The following CYP46A1 variants were observed in gnomAD, a reference collection of about 807,000 sequenced individuals.
The protein encoded by CYP46A1 is cholesterol 24-hydroxylase.
CYP46A1 carries 20 observed loss-of-function variants against 63.3 expected under a neutral mutation model. The ratio of observed to expected loss-of-function variants is 0.32; its 90% CI spans 0.22 to 0.46. CYP46A1 has a LOEUF of 0.46. Among genes scored for constraint, CYP46A1 ranks in the 20% least tolerant of loss-of-function variants. The pLI, the probability that CYP46A1 is intolerant of heterozygous loss-of-function variation, is 1.00. For missense variants in CYP46A1, 445 were observed against 670.8 expected (o/e 0.66, Z 3.72); for synonymous variants, 268 against 273.6 (o/e 0.98, Z 0.20).
intron 11 of CYP46A1, 41 bp downstream of exon 11, chr14:99,721,364 G>A: frequency 1.5e-6 from 2 of 1,366,306 alleles, no homozygotes; most frequent in Non-Finnish European, 2.1e-6. Context: ...GGATGTGGGT[G>A]ATCATGTCAT....
At chr14:99,690,353 G>A (rs915941562) in intron 1 of CYP46A1, among the ~76,000 whole-genome samples, 2 of 152,088 alleles carry the variant, frequency 1.3e-5, no homozygotes, top group Non-Finnish European at 2.9e-5. Flanking sequence ...CCTCTTCCCC[G>A]TACTCTGTTC....
chr14:99,705,823 C>G (rs1418758499), intron 5 of CYP46A1, among the ~76,000 whole-genome samples: 1 of 152,148 alleles, frequency 6.6e-6, no homozygotes, highest in Non-Finnish European at 1.5e-5. Flanking sequence ...TACTCGGGAG[C>G]CTGAGACAGA....
intron 3 of CYP46A1, chr14:99,695,375 C>A: frequency 2.7e-6 from 1 of 376,726 alleles, no homozygotes; most frequent in Non-Finnish European, 5.3e-6. Flanking sequence ...CTAGTGGTTG[C>A]AGGGCAAGGA....
At chr14:99,705,393 G>C (rs1033155533) in intron 5 of CYP46A1, among the ~76,000 whole-genome samples, 2 of 139,250 alleles carry the variant, frequency 1.4e-5, no homozygotes, top group Non-Finnish European at 3.3e-5. Flanking sequence ...TTTATTTTTT[G>C]CAGAGACGGA....
intron 14 of CYP46A1, 72 bp from the exon 15 acceptor site, chr14:99,726,484 AT>A (rs199570485): frequency 0.032 from 44,612 of 1,399,724 alleles, 844 homozygotes; most frequent in Non-Finnish European, 0.039. Flanking sequence ...CGGCTGTGAC[AT>A]TTGCTGCTCA....
rs7156258 is a variant in CYP46A1 at position 99,696,604 on chromosome 14, G to T, written c.283-2862G>T. Among the ~76,000 whole-genome samples the T allele has an allele frequency of 2.0e-5, 3 of 151,944 alleles. No individual in the cohort carries two copies. In the South Asian group the frequency reaches 6.2e-4, roughly 32 times the overall value. On this transcript the variant is annotated intron_variant, in intron 3 of 14. Transcript: ENST00000261835. Reference sequence around the variant, plus strand: ...TGATCTGCCTTGGTATACTTTATTTGCTGTACTTTTCTTTGTTAATTCTAT... The same window carrying T: ...TGATCTGCCTTGGTATACTTTATTTTCTGTACTTTTCTTTGTTAATTCTAT...
chr14:99,726,343 G>A (rs902200500), intron 14 of CYP46A1, 87 bp downstream of exon 14: 6 of 1,432,212 alleles, frequency 4.2e-6, no homozygotes, highest in Non-Finnish European at 5.8e-6. Context: ...CCGAACCCCT[G>A]CTCTGGGGCT....
At chr14:99,691,945 A>G (rs2056547294) in intron 3 of CYP46A1, 84 bp downstream of exon 3, 5 of 1,393,528 alleles carry the variant, frequency 3.6e-6, no homozygotes, top group Admixed American at 3.4e-5. Context: ...GAGACTTTGG[A>G]TGAATGTTCC....
At chr14:99,715,754 G>T (rs765182935) in intron 7 of CYP46A1, 56 bp from the exon 8 acceptor site, 64 of 1,610,810 alleles carry the variant, frequency 4.0e-5, no homozygotes, top group Non-Finnish European at 5.4e-5. Flanking sequence ...GTGGGGGAGA[G>T]GGGAGAGGGA....
rs775736426 is a variant in CYP46A1 at position 99,721,219 on chromosome 14, G to T, written c.981-20G>T. 1 of 1,604,082 alleles carries T rather than the reference G, an allele frequency of 6.2e-7. No individual in the cohort carries two copies. Among genetic ancestry groups the T allele is most frequent in the African/African-American group, 1.3e-5 (1 of 74,824 alleles). On this transcript the variant is annotated intron_variant, in intron 10 of 14. Coordinates refer to ENST00000261835, the MANE Select transcript of CYP46A1 (RefSeq NM_006668.2). ...ACAGGCTCCCTTTGGAGACGAACTTGTCTTTGTCTTACCCCACAGGCTGCA... is the reference window on the plus strand; with the variant it reads ...ACAGGCTCCCTTTGGAGACGAACTTTTCTTTGTCTTACCCCACAGGCTGCA...
At chr14:99,712,750 T>A (rs1463584180) in intron 7 of CYP46A1, 1 of 152,200 alleles carries the variant, frequency 6.6e-6, no homozygotes, top group Non-Finnish European at 1.5e-5. Context: ...CAATGCAATC[T>A]CTGTCAAAAT....
intron 3 of CYP46A1, among the ~76,000 whole-genome samples, chr14:99,692,185 C>T (rs918771992): frequency 6.6e-6 from 1 of 152,188 alleles, no homozygotes; most frequent in Non-Finnish European, 1.5e-5. Context: ...GGAATTATAA[C>T]TCTATCTCCA....
At chr14:99,686,636 T>C (rs150214376) in intron 1 of CYP46A1, among the ~76,000 whole-genome samples, 9 of 152,322 alleles carry the variant, frequency 5.9e-5, no homozygotes, top group African/African-American at 2.2e-4. Flanking sequence ...TTTCACTTAG[T>C]ATAATGTTTC....
intron 5 of CYP46A1, among the ~76,000 whole-genome samples, chr14:99,701,120 A>C (rs777467118): frequency 9.9e-5 from 15 of 152,276 alleles, no homozygotes; most frequent in Non-Finnish European, 1.9e-4. Context: ...TGTTATTACA[A>C]GAGTCAAAAA....
Position 99,726,267 on chromosome 14 carries a change from C to T in CYP46A1, c.1332+11C>T. ...CAGCAGTTTGCTCAGGTAGGAGGGG[C>T]AGGGCTGTGGTTCTGCCCAGGAGTA... On this transcript the variant is annotated intron_variant, in intron 14 of 14. Transcript: ENST00000261835. 1 of 1,612,628 alleles carries T rather than the reference C, an allele frequency of 6.2e-7. No homozygotes were observed. The highest frequency in any genetic ancestry group is 2.2e-5 in the East Asian group (1 of 44,842).
chr14:99,723,185 C>G (rs1566837149), intron 12 of CYP46A1: 1 of 193,056 alleles, frequency 5.2e-6, no homozygotes, highest in East Asian at 1.2e-4. Flanking sequence ...GCATCTGACC[C>G]TGCTTTCTCT....
At chr14:99,723,452 G>A (rs1437426367) in intron 12 of CYP46A1, among the ~76,000 whole-genome samples, 3 of 152,166 alleles carry the variant, frequency 2.0e-5, no homozygotes, top group African/African-American at 7.2e-5. Flanking sequence ...GGGACTACAG[G>A]TGCACACCCC....
intron 5 of CYP46A1, among the ~76,000 whole-genome samples, chr14:99,702,478 T>G (rs1250664783): frequency 1.3e-5 from 2 of 152,180 alleles, no homozygotes; most frequent in East Asian, 1.9e-4. Context: ...CCTAGTGGAA[T>G]TTTTGAGTCA....
intron 1 of CYP46A1, among the ~76,000 whole-genome samples, chr14:99,687,719 A>G (rs376496078): frequency 6.4e-4 from 97 of 152,196 alleles, no homozygotes; most frequent in African/African-American, 2.0e-3. Flanking sequence ...TCAGCCAATC[A>G]TGATGTTGCA....
Sources: allele counts gnomAD v4.1 joint callset (sites outside exome capture counted in the v4.1 genomes callset), GRCh38; gene constraint gnomAD v4.1.1; transcripts MANE v1.5; gene names NCBI Gene and HGNC (gene_info 2026-07-23, HGNC 2026-07-21).